Variants in VTI1A observed in about 807,000 individuals in gnomAD.
The protein encoded by VTI1A is vesicle transport through interaction with t-SNAREs homolog 1A.
In VTI1A, 22 loss-of-function variants were observed where a neutral mutation model predicts 34.9. That is an observed-to-expected ratio of 0.63 (90% confidence interval 0.45 to 0.90). The LOEUF is 0.90. VTI1A is among the 40% of genes least tolerant of loss of function. The probability of loss-of-function intolerance (pLI) is 0.00; values close to 1 mark genes in which losing one functional copy is unlikely to be tolerated. For missense variants in VTI1A, 268 were observed against 275.6 expected, an observed-to-expected ratio of 0.97 and a Z score of 0.20; for synonymous variants, 87 against 97.3, an observed-to-expected ratio of 0.89 and a Z score of 0.62.
At chr10:112,835,688 G>A in the VTI1A span, among the ~76,000 whole-genome samples, 5 of 151,722 alleles carry the variant, frequency 3.3e-5, no homozygotes, top group Admixed American at 2.6e-4. Flanking sequence ...ACACACTCTT[G>A]GGCAAAAAAT....
chr10:112,593,132 T>G (rs536916864), intron 5 of VTI1A, among the ~76,000 whole-genome samples: 1 of 152,332 alleles, frequency 6.6e-6, no homozygotes, highest in African/African-American at 2.4e-5. Context: ...TTAAACTGCA[T>G]TCTGAAAAGT....
At position 112,560,809 on chromosome 10, in the gene VTI1A, A is replaced by G. The variant is rs536691360; in HGVS notation, c.427+22479A>G. Among the ~76,000 whole-genome samples the G allele has an allele frequency of 5.2e-3, 794 of 151,868 alleles. 9 individuals are homozygous for G. The highest frequency in any genetic ancestry group is 9.5e-3 in the Non-Finnish European group (644 of 67,924). ...ACGAGGTTTCACCATGTTGGCCAGG[A>G]TGGTCTCTATCTCTTGACCTCAAGT... On this transcript the variant is annotated intron_variant, in intron 5 of 7. Transcript: ENST00000393077.
chr10:112,671,604 T>G (rs952022589), intron 7 of VTI1A, among the ~76,000 whole-genome samples: 2 of 152,212 alleles, frequency 1.3e-5, no homozygotes, highest in African/African-American at 4.8e-5. Context: ...AGAAATGGCT[T>G]GGCACGGCTC....
intron 5 of VTI1A, among the ~76,000 whole-genome samples, chr10:112,661,520 C>T (rs748014236): frequency 6.6e-6 from 1 of 152,134 alleles, no homozygotes; most frequent in Non-Finnish European, 1.5e-5. Flanking sequence ...GAATTATTTC[C>T]CTTAACATTA....
At chr10:112,833,668 C>G in the VTI1A span, among the ~76,000 whole-genome samples, 2 of 152,112 alleles carry the variant, frequency 1.3e-5, no homozygotes, top group African/African-American at 4.8e-5. Context: ...GGCCCTTAGT[C>G]ATTTCTTTCT....
At chr10:112,722,878 G>A (rs913547424) in intron 7 of VTI1A, among the ~76,000 whole-genome samples, 3 of 152,156 alleles carry the variant, frequency 2.0e-5, no homozygotes, top group African/African-American at 4.8e-5. Flanking sequence ...AAATCTGGAC[G>A]TTTGCTTTTG....
chr10:112,476,026 G>A (rs931238810), intron 3 of VTI1A, among the ~76,000 whole-genome samples: 8 of 152,114 alleles, frequency 5.3e-5, no homozygotes, highest in Admixed American at 3.3e-4. Context: ...AATCCAATTC[G>A]TCAAATTGTA....
intron 7 of VTI1A, among the ~76,000 whole-genome samples, chr10:112,735,206 T>G (rs1317620949): frequency 6.6e-6 from 1 of 152,184 alleles, no homozygotes; most frequent in East Asian, 1.9e-4. Flanking sequence ...TTGCCAAAAA[T>G]CTCTCTTTTG....
intron 7 of VTI1A, among the ~76,000 whole-genome samples, chr10:112,729,989 C>T (rs1381373704): frequency 6.6e-6 from 1 of 152,208 alleles, no homozygotes; most frequent in Non-Finnish European, 1.5e-5. Context: ...GGGGCCCCAA[C>T]ATCAGGACCT....
intron 1 of VTI1A, among the ~76,000 whole-genome samples, chr10:112,457,231 A>G (rs1364267569): frequency 6.6e-6 from 1 of 152,214 alleles, no homozygotes; most frequent in Non-Finnish European, 1.5e-5. Context: ...TTTTAGGAAG[A>G]TTAAATGGGA....
At chr10:112,551,001 T>G (rs748540446) in intron 5 of VTI1A, among the ~76,000 whole-genome samples, 2 of 152,118 alleles carry the variant, frequency 1.3e-5, no homozygotes, top group Non-Finnish European at 2.9e-5. Flanking sequence ...CCCAGCACTT[T>G]GGGAGGCCAA....
At chr10:112,834,031 TAATC>T in the VTI1A span, among the ~76,000 whole-genome samples, 2 of 152,090 alleles carry the variant, frequency 1.3e-5, no homozygotes, top group African/African-American at 4.8e-5. Context: ...CTAAGCAAGT[TAATC>T]AACCTCCCTG....
chr10:112,448,805 A>C (rs1391810539), intron 1 of VTI1A: 1 of 152,152 alleles, frequency 6.6e-6, no homozygotes, highest in East Asian at 1.9e-4. Context: ...TACTTCCCCC[A>C]AAACTTATGT....
intron 4 of VTI1A, among the ~76,000 whole-genome samples, chr10:112,534,041 A>G (rs543493522): frequency 1.3e-5 from 2 of 152,242 alleles, no homozygotes; most frequent in African/African-American, 4.8e-5. Flanking sequence ...GGAAACACAC[A>G]TATGTTATAA....
chr10:112,604,197 A>G (rs1844986662), intron 5 of VTI1A, among the ~76,000 whole-genome samples: 1 of 152,160 alleles, frequency 6.6e-6, no homozygotes, highest in Non-Finnish European at 1.5e-5. Context: ...AGCTGCCTCC[A>G]TCAACTAGCT....
chr10:112,800,926 T>G (rs1852855584), intron 7 of VTI1A, among the ~76,000 whole-genome samples: 1 of 152,178 alleles, frequency 6.6e-6, no homozygotes, highest in African/African-American at 2.4e-5. Flanking sequence ...GCTGTACAAC[T>G]GGTGTGTGGT....
intron 4 of VTI1A, among the ~76,000 whole-genome samples, chr10:112,531,738 A>G (rs892329037): frequency 6.6e-6 from 1 of 152,180 alleles, no homozygotes; most frequent in Non-Finnish European, 1.5e-5. Context: ...ATAGTCAACC[A>G]AAGAATAGTG....
At chr10:112,777,676 G>C (rs560403963) in intron 7 of VTI1A, among the ~76,000 whole-genome samples, 6 of 152,294 alleles carry the variant, frequency 3.9e-5, no homozygotes, top group Non-Finnish European at 8.8e-5. Flanking sequence ...CATTGGCAGG[G>C]AAAGAGATGA....
chr10:112,659,065 T>G (rs945613343), intron 5 of VTI1A, among the ~76,000 whole-genome samples: 3 of 152,234 alleles, frequency 2.0e-5, no homozygotes, highest in African/African-American at 7.2e-5. Flanking sequence ...TCAGAATGAT[T>G]TCTAAGAAGC....
Sources: gnomAD v4.1 joint callset for allele counts (sites outside exome capture counted in the v4.1 genomes callset) on GRCh38, gnomAD v4.1.1 for gene constraint, MANE v1.5 for transcripts, NCBI Gene and HGNC (gene_info 2026-07-23, HGNC 2026-07-21) for gene names.